Variants in NDUFAF7 observed in about 807,000 individuals in gnomAD.
The protein encoded by NDUFAF7 is NADH:ubiquinone oxidoreductase complex assembly factor 7, also known as protein arginine methyltransferase NDUFAF7, mitochondrial.
NDUFAF7 carries 48 observed loss-of-function variants against 47.2 expected under a neutral mutation model. The observed-to-expected ratio is 1.02, with a 90% CI of 0.81 to 1.29. The LOEUF (loss-of-function observed/expected upper bound fraction) is 1.29. Ranked by LOEUF, NDUFAF7 falls within the 50% of genes most tolerant of loss-of-function variation. The pLI is 0.00. For synonymous variants in NDUFAF7, 217 were observed against 190.0 expected (o/e 1.14, Z -1.17); for missense variants, 635 against 537.6 (o/e 1.18, Z -1.79).
rs376115486 is a variant in NDUFAF7, at chr2:37,237,871, G to T, written c.408+4G>T. 6.3e-7 allele frequency: 1 copy of T among 1,576,220 alleles called. No individual in the cohort carries two copies. Among genetic ancestry groups the T allele is most frequent in the Non-Finnish European group, 8.7e-7 (1 of 1,145,944 alleles). ...CCTCGTGGGAGATATTTTGAGGGTA[G>T]GTAATAAAAGAATGTCTTCTAGTCT... On this transcript the variant is annotated splice_donor_region_variant and intron_variant, in intron 4 of 9. Coordinates refer to ENST00000002125, the MANE Select transcript of NDUFAF7 (RefSeq NM_144736.5).
At chr2:37,249,643 G>GACAGACACACACAC (rs1261022368), downstream of NDUFAF7, among the ~76,000 whole-genome samples, 438 of 132,624 alleles carry the variant, frequency 3.3e-3, 11 homozygotes, top group African/African-American at 0.012. Context: ...CTGTGATAGA[G>GACAGACACACACAC]ACACACACAC....
intron 3 of NDUFAF7, 101 bp from the exon 4 acceptor site, chr2:37,237,656 C>G (rs1665936132): frequency 1.1e-6 from 1 of 905,488 alleles, no homozygotes; most frequent in African/African-American, 1.7e-5. Context: ...ACACATTTTG[C>G]TTTTTGGCAT....
chr2:37,248,599 C>A lies in NDUFAF7; in HGVS notation c.*249C>A, dbSNP rs1165146894. 3 of 496,716 alleles carry A rather than the reference C, an allele frequency of 6.0e-6. No homozygotes were observed. Among genetic ancestry groups the A allele is most frequent in the African/African-American group, 3.9e-5 (2 of 51,412 alleles). The allele number at this position is 496,716 out of a possible 1,614,324, so 30.8% of individuals were successfully genotyped here. A position where few individuals can be genotyped will look rare whatever the true frequency, so the allele number is the denominator to read the frequency against. ...TCCTTTAACTTACAAAGCTAGTTGC[C>A]ATATTTCTATTTTATTTTAAAAAGT... On this transcript the variant is annotated 3_prime_UTR_variant, in exon 10 of 10. Coordinates refer to ENST00000002125, the MANE Select transcript of NDUFAF7 (RefSeq NM_144736.5).
At chr2:37,269,589 A>G in the NDUFAF7 span, 8 of 1,578,664 alleles carry the variant, frequency 5.1e-6, no homozygotes, top group East Asian at 2.2e-5. Context: ...AATGTGTACA[A>G]TATGCAAACG....
At chr2:37,254,202 AC>A (rs1377417297), downstream of NDUFAF7, 1 of 1,600,962 alleles carries the variant, frequency 6.2e-7, no homozygotes, top group African/African-American at 1.3e-5. Flanking sequence ...ATTTTTTTTT[AC>A]CTGTAGCCAG....
At position 37,242,631 on chromosome 2, in the gene NDUFAF7, A is replaced by G. The variant is rs1177865989; in HGVS notation, c.623-4A>G. 1.9e-6 allele frequency: 3 copies of G among 1,582,016 alleles called. No homozygotes were observed. Among genetic ancestry groups the G allele is most frequent in the African/African-American group, 2.7e-5 (2 of 74,102 alleles). On this transcript the variant is annotated splice_region_variant and splice_polypyrimidine_tract_variant and intron_variant, in intron 5 of 9. Coordinates refer to ENST00000002125, the MANE Select transcript of NDUFAF7 (RefSeq NM_144736.5). ...ACATTAATTGTTTTCCTCTTTTTAAATAGGGTACAGCTTTTATCTTGCACA... is the reference window on the plus strand; with the variant it reads ...ACATTAATTGTTTTCCTCTTTTTAAGTAGGGTACAGCTTTTATCTTGCACA...
intron 8 of NDUFAF7, among the ~76,000 whole-genome samples, chr2:37,247,101 G>A (rs948125049): frequency 6.6e-6 from 1 of 151,284 alleles, no homozygotes; most frequent in Non-Finnish European, 1.5e-5. Context: ...GTATGTTCAC[G>A]TGTACCCAGT....
At chr2:37,270,423 A>G in the NDUFAF7 span, among the ~76,000 whole-genome samples, 2 of 150,740 alleles carry the variant, frequency 1.3e-5, no homozygotes, top group South Asian at 4.2e-4. Flanking sequence ...GAAGAAAAGA[A>G]TATGTATGAG....
chr2:37,269,781 TTA>T, the NDUFAF7 span: 1 of 863,144 alleles, frequency 1.2e-6, no homozygotes, highest in Non-Finnish European at 1.8e-6. Context: ...CAATACATTT[TTA>T]TGTTAGAAGC....
intron 2 of NDUFAF7, among the ~76,000 whole-genome samples, chr2:37,232,661 C>G (rs1000347166): frequency 2.6e-5 from 4 of 152,266 alleles, no homozygotes; most frequent in Middle Eastern, 6.8e-3. Context: ...AGGTAGAAAT[C>G]TCCAACAGGC....
chr2:37,232,375 C>A, intron 2 of NDUFAF7, 109 bp downstream of exon 2: 1 of 1,425,352 alleles, frequency 7.0e-7, no homozygotes, highest in Non-Finnish European at 9.9e-7. Context: ...GGGTGCCTGC[C>A]AGGGGAAGAG....
At chr2:37,258,310 T>A (rs1273367769), downstream of NDUFAF7, among the ~76,000 whole-genome samples, 1 of 152,220 alleles carries the variant, frequency 6.6e-6, no homozygotes, top group African/African-American at 2.4e-5. Flanking sequence ...TGCTTCTCGA[T>A]TTCAGTGTCT....
downstream of NDUFAF7, among the ~76,000 whole-genome samples, chr2:37,257,505 G>T (rs907424669): frequency 6.6e-6 from 1 of 151,604 alleles, no homozygotes; most frequent in African/African-American, 2.4e-5. Flanking sequence ...CTCTACTGAA[G>T]ATACAAAAAA....
chr2:37,253,209 G>C (rs1667652614), downstream of NDUFAF7: 1 of 1,610,666 alleles, frequency 6.2e-7, no homozygotes, highest in Admixed American at 1.7e-5. Context: ...TCTGGATTAG[G>C]AGCCATAATG....
chr2:37,262,054 C>T, the NDUFAF7 span, among the ~76,000 whole-genome samples: 1 of 152,072 alleles, frequency 6.6e-6, no homozygotes, highest in Non-Finnish European at 1.5e-5. Context: ...AAGTTGTGTT[C>T]AGGAGGTATT....
rs11885198 is a variant in NDUFAF7, at chr2:37,242,318, G to A, written c.623-317G>A. ...GCCATTCCTGCCTCAGCCTTCTCAG[G>A]CTGAGAAGCCCGATTTTATGAAATC... On this transcript the variant is annotated intron_variant, in intron 5 of 9. Transcript: ENST00000002125. 3.3e-3 allele frequency: 964 copies of A among 291,062 alleles called. 5 individuals are homozygous for A. Among genetic ancestry groups the A allele is most frequent in the African/African-American group, 0.02 (897 of 44,396 alleles). 18.0% of individuals were successfully genotyped at this position (291,062 alleles called of 1,614,324 possible).
At position 37,231,666 on chromosome 2, in the gene NDUFAF7, C is replaced by T; in HGVS notation, c.-40C>T. 2.5e-6 allele frequency: 4 copies of T among 1,614,002 alleles called. No homozygotes were observed. The highest frequency in any genetic ancestry group is 2.2e-5 in the East Asian group (1 of 44,884). On this transcript the variant is annotated 5_prime_UTR_variant, in exon 1 of 10. Transcript: ENST00000002125. Reference sequence around the variant, plus strand: ...GTCTTCTCCCGGAAATGGTCTAAGCCCCAGCTCCTGGCGGAGCGAGCTAGC... The same window carrying T: ...GTCTTCTCCCGGAAATGGTCTAAGCTCCAGCTCCTGGCGGAGCGAGCTAGC...
In NDUFAF7 at chr2:37,248,423, G is replaced by A; in HGVS notation, c.*73G>A. 7.3e-7 allele frequency: 1 copy of A among 1,374,948 alleles called. No homozygotes were observed. Among genetic ancestry groups the A allele is most frequent in the Non-Finnish European group, 1.0e-6 (1 of 963,900 alleles). The allele number at this position is 1,374,948 out of a possible 1,614,324, so 85.2% of individuals were successfully genotyped here. A position where few individuals can be genotyped will look rare whatever the true frequency, so the allele number is the denominator to read the frequency against. On this transcript the variant is annotated 3_prime_UTR_variant, in exon 10 of 10. Transcript: ENST00000002125. ...ATAAAGGAAACACATTTCATATACTGCAGGTAACAAAAGTCAAAGTATTTT... is the reference window on the plus strand; with the variant it reads ...ATAAAGGAAACACATTTCATATACTACAGGTAACAAAAGTCAAAGTATTTT...
downstream of NDUFAF7, chr2:37,252,669 A>T (rs1274619114): frequency 6.6e-6 from 1 of 152,092 alleles, no homozygotes; most frequent in Non-Finnish European, 1.5e-5. Context: ...TTGTTAAACC[A>T]ATGTTAAAAG....
Sources: allele counts gnomAD v4.1 joint callset (sites outside exome capture counted in the v4.1 genomes callset), GRCh38; gene constraint gnomAD v4.1.1; transcripts MANE v1.5; gene names NCBI Gene and HGNC (gene_info 2026-07-23, HGNC 2026-07-21).